USP54: variants seen among roughly 807,000 people sequenced by gnomAD.
USP54 encodes the protein ubiquitin specific peptidase 54, also known as ubiquitin carboxyl-terminal hydrolase 54.
In USP54, 87 loss-of-function variants were observed where a neutral mutation model predicts 170.5. The ratio of observed to expected loss-of-function variants is 0.51; its 90% CI spans 0.43 to 0.61. The LOEUF is 0.61. USP54 is among the 20% of genes least tolerant of loss of function. The pLI, the probability that USP54 is intolerant of heterozygous loss-of-function variation, is 0.00. For synonymous variants in USP54, 655 were observed against 742.8 expected (o/e 0.88, Z 1.92); for missense variants, 1,786 against 2,047.8 (o/e 0.87, Z 2.47).
chr10:73,546,221 C>A (rs929776384), intron 4 of USP54, among the ~76,000 whole-genome samples: 6 of 152,206 alleles, frequency 3.9e-5, no homozygotes, highest in African/African-American at 1.4e-4. Context: ...AAGACTGCCC[C>A]ACTCTCTACC....
chr10:73,545,450 G>T, intron 5 of USP54, 88 bp downstream of exon 5: 1 of 1,534,328 alleles, frequency 6.5e-7, no homozygotes. Flanking sequence ...TAAGGGCACA[G>T]CAAATTCCAC....
chr10:73,524,257 G>A (rs189111744), intron 16 of USP54, among the ~76,000 whole-genome samples: 297 of 152,032 alleles, frequency 2.0e-3, no homozygotes, highest in Middle Eastern at 0.014. Flanking sequence ...ATTAGATTCC[G>A]GATGGCACTT....
chr10:73,498,870 G>C lies in USP54; in HGVS notation c.4814C>G (p.Pro1605Arg), dbSNP rs2057462575. 1 of 1,613,780 alleles carries C rather than the reference G, an allele frequency of 6.2e-7. No homozygotes were observed. The highest frequency in any genetic ancestry group is 8.5e-7 in the Non-Finnish European group (1 of 1,179,864). The change falls in exon 24 of 24, where the codon CCA becomes CGA. Residue 1605 changes from proline (P) to arginine (R), a missense_variant. Transcript: ENST00000687698. Reference protein sequence around the residue: ...SHPPIVHPVYPPSSSLHVPLR... With the variant: ...SHPPIVHPVYRPSSSLHVPLR... Reference sequence around the variant, plus strand: ...GGGTACATGAAGACTGCTAGATGGTGGGTACACAGGATGAACAATGGGAGG... The same window carrying C: ...GGGTACATGAAGACTGCTAGATGGTCGGTACACAGGATGAACAATGGGAGG...
chr10:73,541,543 A>G, intron 8 of USP54, 22 bp from the exon 9 acceptor site: 1 of 1,613,892 alleles, frequency 6.2e-7, no homozygotes, highest in Non-Finnish European at 8.5e-7. Context: ...ATATAAGGCT[A>G]GTTCAACATG....
intron 20 of USP54, 61 bp from the exon 21 acceptor site, chr10:73,505,487 A>G (rs2058946551): frequency 7.4e-7 from 1 of 1,351,968 alleles, no homozygotes; most frequent in Non-Finnish European, 1.0e-6. Flanking sequence ...CTAACCTCTA[A>G]GCCTAGCAGC....
intron 20 of USP54, 31 bp downstream of exon 20, chr10:73,516,337 TCCTCCCC>T (rs2061080882): frequency 2.0e-5 from 31 of 1,567,058 alleles, no homozygotes; most frequent in Non-Finnish European, 2.7e-5. Flanking sequence ...TTTTATATGA[TCCTCCCC>T]CCTCCCCCCA....
upstream of USP54, among the ~76,000 whole-genome samples, chr10:73,593,043 T>C (rs2078409070): frequency 1.3e-5 from 2 of 152,094 alleles, no homozygotes; most frequent in African/African-American, 4.8e-5. Context: ...TTTTGTTAGG[T>C]GAGTGTCAAA....
chr10:73,566,764 C>A (rs563556663), intron 4 of USP54, among the ~76,000 whole-genome samples: 3 of 151,932 alleles, frequency 2.0e-5, no homozygotes, highest in African/African-American at 7.2e-5. Context: ...ACAAAAAAAA[C>A]AACAACAAGG....
rs557967859 is a variant in USP54, at chr10:73,498,671, T to C, written c.5013A>G (p.Arg1671=). 1.2e-5 allele frequency: 19 copies of C among 1,583,994 alleles called. No homozygotes were observed. In the East Asian group the frequency reaches 4.3e-4, roughly 36 times the overall value. The stretch of plus-strand genomic sequence containing the variant: ...GCAGGACTCTAGCCCTGATCTGCTC[T>C]CTTCTGGGAGCATCTGATAGAACAA... ...FLFVLSDAPR[R]EQIRARVLQH... The change falls in exon 24 of 24, where the codon AGA becomes AGG. Residue 1671 remains arginine (R), a synonymous_variant. Transcript: ENST00000687698.
At chr10:73,617,536 ATG>A (rs1355523567) in intron 1 of USP54, among the ~76,000 whole-genome samples, 1 of 150,386 alleles carries the variant, frequency 6.6e-6, no homozygotes, top group Non-Finnish European at 1.5e-5. Flanking sequence ...GAAATTTAAA[ATG>A]AGATCACTTG....
chr10:73,570,007 G>A (rs1589191907), intron 4 of USP54, among the ~76,000 whole-genome samples: 1 of 147,000 alleles, frequency 6.8e-6, no homozygotes, highest in Admixed American at 7.0e-5. Context: ...TAATATAACT[G>A]GGAAAATCTA....
chr10:73,546,651 T>C (rs1159767268), intron 4 of USP54: 1 of 152,218 alleles, frequency 6.6e-6, no homozygotes, highest in African/African-American at 2.4e-5. Flanking sequence ...GTATTTTTCA[T>C]GTAAAAAGTA....
intron 3 of USP54, among the ~76,000 whole-genome samples, chr10:73,573,835 T>C (rs958445538): frequency 3.3e-5 from 5 of 152,222 alleles, no homozygotes; most frequent in Admixed American, 1.3e-4. Context: ...GCAACATTCT[T>C]GTATTATGAA....
chr10:73,500,941 C>T, intron 22 of USP54, 103 bp from the exon 23 acceptor site: 7 of 1,284,122 alleles, frequency 5.5e-6, no homozygotes, highest in Non-Finnish European at 7.4e-6. Flanking sequence ...ATGGAGGGAA[C>T]CAGAGCACAA....
intron 22 of USP54, among the ~76,000 whole-genome samples, chr10:73,502,225 C>T (rs990252628): frequency 6.6e-6 from 1 of 152,296 alleles, no homozygotes; most frequent in East Asian, 1.9e-4. Flanking sequence ...GCACCTACTA[C>T]AAAATGGCAC....
chr10:73,499,518 T>G, intron 23 of USP54: 1 of 214,982 alleles, frequency 4.7e-6, no homozygotes, highest in Non-Finnish European at 9.4e-6. Context: ...GGCAAACGTA[T>G]ACTCCCTTTG....
chr10:73,523,467 A>T, intron 17 of USP54, 116 bp downstream of exon 17: 1 of 1,290,486 alleles, frequency 7.7e-7, no homozygotes, highest in Non-Finnish European at 1.1e-6. Flanking sequence ...TGGGTGAATT[A>T]AGACTTAAAA....
At chr10:73,563,625 C>T (rs2073605728) in intron 4 of USP54, among the ~76,000 whole-genome samples, 1 of 151,952 alleles carries the variant, frequency 6.6e-6, no homozygotes, top group Admixed American at 6.6e-5. Flanking sequence ...TTAGTAGAGA[C>T]AGGGTTTCTC....
rs138402965 is a variant in USP54 at position 73,566,761 on chromosome 10, A to C, written c.240+4660T>G. ...AACAAACAAAAAAACAAAACAAAAA[A>C]AACAACAACAAGGAAATGACTACCA... On this transcript the variant is annotated intron_variant, in intron 4 of 23. Transcript: ENST00000687698. 5.2e-3 allele frequency among the ~76,000 whole-genome samples: 792 copies of C among 152,214 alleles called. 2 individuals are homozygous for C. The highest frequency in any genetic ancestry group is 7.5e-3 in the Non-Finnish European group (509 of 68,004).
Sources: allele counts gnomAD v4.1 joint callset (sites outside exome capture counted in the v4.1 genomes callset), GRCh38; gene constraint gnomAD v4.1.1; transcripts MANE v1.5; gene names NCBI Gene and HGNC (gene_info 2026-07-23, HGNC 2026-07-21).